The following MVB12B variants were observed in gnomAD, a reference collection of about 807,000 sequenced individuals.
MVB12B encodes multivesicular body subunit 12B.
Under a neutral mutation model 41.6 loss-of-function variants are expected in MVB12B, and 16 were observed. The observed-to-expected ratio is 0.38, with a 90% CI of 0.26 to 0.58. The LOEUF (loss-of-function observed/expected upper bound fraction) is 0.58, where lower values mean the gene tolerates loss of function less well. MVB12B is among the 20% of genes least tolerant of loss of function. The pLI is 0.62. For missense variants in MVB12B, 274 were observed against 380.2 expected (o/e 0.72, Z 2.32); for synonymous variants, 133 against 139.7 (o/e 0.95, Z 0.34).
chr9:126,346,487 G>A (rs1829591971), intron 2 of MVB12B, among the ~76,000 whole-genome samples: 1 of 152,142 alleles, frequency 6.6e-6, no homozygotes, highest in Non-Finnish European at 1.5e-5. Flanking sequence ...CAGGTCGGGT[G>A]GAGGCGGGAG....
intron 2 of MVB12B, among the ~76,000 whole-genome samples, chr9:126,370,624 C>T (rs1482710562): frequency 1.3e-5 from 2 of 152,100 alleles, no homozygotes; most frequent in Admixed American, 6.5e-5. Context: ...TGAAGTGATC[C>T]ACCCACCTCG....
intron 3 of MVB12B, among the ~76,000 whole-genome samples, chr9:126,383,814 G>C (rs958987358): frequency 6.6e-6 from 1 of 151,986 alleles, no homozygotes; most frequent in African/African-American, 2.4e-5. Flanking sequence ...AGCTCTGACA[G>C]TGCAGCCTCC....
intron 9 of MVB12B, among the ~76,000 whole-genome samples, chr9:126,500,979 G>A (rs1339402706): frequency 6.6e-6 from 1 of 152,246 alleles, no homozygotes. Flanking sequence ...CCCGCGCAGG[G>A]CGGATGTCAG....
Position 126,381,088 on chromosome 9 carries a change from G to A in MVB12B, c.229G>A (p.Asp77Asn). 6.2e-7 allele frequency: 1 copy of A among 1,614,124 alleles called. No homozygotes were observed. Residue 77 changes from aspartate (D) to asparagine (N), a missense_variant, in exon 3 of 10, where the codon GAT becomes AAT. Physicochemically the swap from Asp to Asn is conservative, Grantham distance 23. Transcript: ENST00000361171. ...GGTTGCACAGACAGCAGATGGTGTG[G>A]ATGCTGACCTCTGGAAAGACGGCTT... is the stretch of plus-strand genomic sequence containing the variant. ...DVVAQTADGV[D>N]ADLWKDGLFK... is the part of the protein sequence containing the mutation.
At chr9:126,501,979 G>A (rs1833969206) in intron 9 of MVB12B, among the ~76,000 whole-genome samples, 1 of 152,128 alleles carries the variant, frequency 6.6e-6, no homozygotes, top group African/African-American at 2.4e-5. Flanking sequence ...TCCCTTCCTG[G>A]CCTGCCCGTG....
chr9:126,420,561 CTTTTTTTTTTTTTT>C (rs567217742), intron 6 of MVB12B, among the ~76,000 whole-genome samples: 10 of 98,868 alleles, frequency 1.0e-4, no homozygotes, highest in African/African-American at 2.7e-4. Context: ...TCCCAGGAGT[CTTTTTTTTTTTTTT>C]TTTTTTTTTT....
In MVB12B at chr9:126,392,304, C is replaced by A; in HGVS notation, c.539+109C>A. 1 of 1,309,682 alleles carries A rather than the reference C, an allele frequency of 7.6e-7. No homozygotes were observed. The highest frequency in any genetic ancestry group is 1.1e-6 in the Non-Finnish European group (1 of 932,634). The allele number at this position is 1,309,682 out of a possible 1,614,324, so 81.1% of individuals were successfully genotyped here. On this transcript the variant is annotated intron_variant, in intron 5 of 9. Coordinates refer to ENST00000361171, the MANE Select transcript of MVB12B (RefSeq NM_033446.3). The surrounding 1 kb of genome is among the most constrained non-coding windows in gnomAD (Gnocchi z 4.8). Reference sequence around the variant, plus strand: ...TCCATGCAGCCCCCCAGGCTCTCAGCCATGGGCCTCTGTCAGCCCAGTGCT... The same window carrying A: ...TCCATGCAGCCCCCCAGGCTCTCAGACATGGGCCTCTGTCAGCCCAGTGCT...
intron 7 of MVB12B, among the ~76,000 whole-genome samples, chr9:126,430,011 C>G (rs1192237708): frequency 6.6e-6 from 1 of 152,196 alleles, no homozygotes; most frequent in Non-Finnish European, 1.5e-5. Flanking sequence ...ACTTAGAATG[C>G]AGGGCCCACA....
At chr9:126,382,374 T>C (rs1178549851) in intron 3 of MVB12B, among the ~76,000 whole-genome samples, 2 of 152,218 alleles carry the variant, frequency 1.3e-5, no homozygotes, top group Non-Finnish European at 2.9e-5. Flanking sequence ...AGTCATTGCT[T>C]TATTTTTTCC....
intron 9 of MVB12B, among the ~76,000 whole-genome samples, chr9:126,490,306 G>A (rs1833705931): frequency 1.3e-5 from 2 of 152,226 alleles, no homozygotes; most frequent in East Asian, 1.9e-4. Context: ...CCTGGCATCC[G>A]TGGAAGACCT....
intron 1 of MVB12B, chr9:126,327,262 C>T: frequency 1.0e-6 from 1 of 984,580 alleles, no homozygotes; most frequent in Non-Finnish European, 1.2e-6. Flanking sequence ...AGCTGGGGGA[C>T]CCGAGTGCCA....
At chr9:126,438,577 T>C (rs920042066) in intron 7 of MVB12B, among the ~76,000 whole-genome samples, 4 of 152,168 alleles carry the variant, frequency 2.6e-5, no homozygotes, top group African/African-American at 9.7e-5. Flanking sequence ...ACACTCTCTC[T>C]ATGGCTCAGC....
chr9:126,357,967 T>C (rs1177487480), intron 2 of MVB12B, among the ~76,000 whole-genome samples: 4 of 152,188 alleles, frequency 2.6e-5, no homozygotes, highest in African/African-American at 9.6e-5. Flanking sequence ...TATATTTAGA[T>C]CAATGATGTA....
At chr9:126,382,625 T>C (rs1001656285) in intron 3 of MVB12B, among the ~76,000 whole-genome samples, 2 of 151,888 alleles carry the variant, frequency 1.3e-5, no homozygotes, top group Non-Finnish European at 2.9e-5. Context: ...GAAGGCTGAG[T>C]AGAGGCTTCA....
In MVB12B at chr9:126,453,188, G is replaced by A. The variant is rs74857647; in HGVS notation, c.758-28181G>A. On this transcript the variant is annotated intron_variant, in intron 7 of 9. Coordinates refer to ENST00000361171, the MANE Select transcript of MVB12B (RefSeq NM_033446.3). Reference sequence around the variant, plus strand: ...AAATCCCTATTTCTTCAAGTTCAGCGGGTTTTTAGTGAGCATCTATTTTTG... The same window carrying A: ...AAATCCCTATTTCTTCAAGTTCAGCAGGTTTTTAGTGAGCATCTATTTTTG... Among the ~76,000 whole-genome samples, 548 of 152,302 alleles carry A rather than the reference G, an allele frequency of 3.6e-3. 8 individuals are homozygous for A. The East Asian group carries it at 0.044, about 12-fold the overall frequency.
At chr9:126,377,074 C>G (rs1830501245) in intron 2 of MVB12B, among the ~76,000 whole-genome samples, 1 of 152,174 alleles carries the variant, frequency 6.6e-6, no homozygotes, top group African/African-American at 2.4e-5. Flanking sequence ...TGCCTCTCCC[C>G]TCTTGCTCGT....
intron 1 of MVB12B, among the ~76,000 whole-genome samples, chr9:126,330,953 T>C (rs535892025): frequency 3.9e-5 from 6 of 152,314 alleles, no homozygotes; most frequent in South Asian, 2.1e-4. Flanking sequence ...CCTTCCTTTT[T>C]AAGGCTGAAT....
rs1349244754 is a variant in MVB12B at position 126,333,591 on chromosome 9, A to G, written c.81+6581A>G. ...GCTAATTTTTGTATTTTTAGTAGAG[A>G]TGCGGTTTTGCCATGTTGGCCAGGC... On this transcript the variant is annotated intron_variant, in intron 1 of 9. Coordinates refer to ENST00000361171, the MANE Select transcript of MVB12B (RefSeq NM_033446.3). The surrounding 1 kb of genome is among the most constrained non-coding windows in gnomAD (Gnocchi z 4.7). 1.3e-5 allele frequency among the ~76,000 whole-genome samples: 2 copies of G among 151,388 alleles called. No individual in the cohort carries two copies. Among genetic ancestry groups the G allele is most frequent in the African/African-American group, 2.4e-5 (1 of 41,128 alleles).
chr9:126,500,337 G>A (rs1282296243), intron 9 of MVB12B, among the ~76,000 whole-genome samples: 1 of 152,154 alleles, frequency 6.6e-6, no homozygotes, highest in Non-Finnish European at 1.5e-5. Flanking sequence ...TCCCTGGCAT[G>A]GCCTTGGAGC....
Sources: gnomAD v4.1 joint callset for allele counts (sites outside exome capture counted in the v4.1 genomes callset) on GRCh38, gnomAD v4.1.1 for gene constraint, Gnocchi (gnomAD v3.1) non-coding constraint, MANE v1.5 for transcripts, NCBI Gene and HGNC (gene_info 2026-07-23, HGNC 2026-07-21) for gene names.